DOCK5: variants seen among roughly 807,000 people sequenced by gnomAD.
DOCK5 encodes dedicator of cytokinesis 5.
DOCK5 carries 142 observed loss-of-function variants against 251.8 expected under a neutral mutation model. That is an observed-to-expected ratio of 0.56 (90% confidence interval 0.49 to 0.65). The LOEUF (loss-of-function observed/expected upper bound fraction) is 0.65. Ranked by LOEUF, DOCK5 falls within the 30% of genes least tolerant of loss-of-function variation. DOCK5 has a pLI of 0.00. For missense variants in DOCK5, 2,111 were observed against 2,312.3 expected, an observed-to-expected ratio of 0.91 and a Z score of 1.79; for synonymous variants, 842 against 835.5, an observed-to-expected ratio of 1.01 and a Z score of -0.13.
At chr8:25,388,062 T>A (rs1380920234) in intron 40 of DOCK5, among the ~76,000 whole-genome samples, 1 of 152,182 alleles carries the variant, frequency 6.6e-6, no homozygotes, top group Non-Finnish European at 1.5e-5. Context: ...TCCAGTAGTT[T>A]TTACTCCCTT....
At chr8:25,353,238 G>T (rs940868041) in intron 27 of DOCK5, among the ~76,000 whole-genome samples, 4 of 152,174 alleles carry the variant, frequency 2.6e-5, no homozygotes, top group South Asian at 4.1e-4. Flanking sequence ...TACTCTGGAG[G>T]CTGAGGCAGG....
chr8:25,338,016 G>T (rs1324347043), intron 22 of DOCK5, among the ~76,000 whole-genome samples: 1 of 152,002 alleles, frequency 6.6e-6, no homozygotes, highest in Non-Finnish European at 1.5e-5. Flanking sequence ...GTGTTTTTTT[G>T]TTGTTGTTTC....
chr8:25,384,879 G>T (rs1801136547), intron 40 of DOCK5, among the ~76,000 whole-genome samples: 2 of 152,294 alleles, frequency 1.3e-5, no homozygotes, highest in East Asian at 3.9e-4. Flanking sequence ...ATTGCAATGA[G>T]CCGAGATGGT....
intron 5 of DOCK5, among the ~76,000 whole-genome samples, chr8:25,289,822 A>G (rs950912440): frequency 1.3e-5 from 2 of 152,132 alleles, no homozygotes; most frequent in East Asian, 3.9e-4. Flanking sequence ...AGCCTGGGCA[A>G]CAAGAGCAAA....
At position 25,325,416 on chromosome 8, in the gene DOCK5, C is replaced by G; in HGVS notation, c.1772C>G (p.Thr591Ser). Residue 591 changes from threonine (T) to serine (S), a missense_variant, in exon 18 of 52, where the codon ACC becomes AGC. Physicochemically the swap from Thr to Ser is moderately conservative, Grantham distance 58. Around this residue, in one of 3 missense-constraint regions of DOCK5, gnomAD observed 1,717 missense variants for 1,892.4 expected, o/e 0.91. Coordinates refer to ENST00000276440, the MANE Select transcript of DOCK5 (RefSeq NM_024940.8). ...DAKFYLTLPG[T>S]KMEMEEKELQ... is the part of the protein sequence containing the mutation. ...AAATTCTACCTGACCCTGCCTGGAA[C>G]CAAGATGGAGATGGAAGAAAAAGAG... is the stretch of plus-strand genomic sequence containing the variant. The G allele has an allele frequency of 1.2e-6, 2 of 1,613,912 alleles. No homozygotes were observed. Among genetic ancestry groups the G allele is most frequent in the Non-Finnish European group, 1.7e-6 (2 of 1,179,858 alleles).
intron 1 of DOCK5, among the ~76,000 whole-genome samples, chr8:25,242,163 A>AT (rs1384197420): frequency 1.3e-5 from 2 of 152,026 alleles, no homozygotes; most frequent in Non-Finnish European, 2.9e-5. Context: ...TAAAAAAAAA[A>AT]CCTTAACTTA....
rs141793221 is a variant in DOCK5, at chr8:25,220,263, G to T, written c.44-23411G>T. 6.1e-4 allele frequency among the ~76,000 whole-genome samples: 92 copies of T among 151,912 alleles called. 1 individual carries two copies. The East Asian group carries it at 0.016, about 27-fold the overall frequency. ...TAGAGAATTTCCCCAGTGGTTTCCT[G>T]GTCCTTGGCCGCTTGTTCCTATATA... On this transcript the variant is annotated intron_variant, in intron 1 of 51. Transcript: ENST00000276440.
At chr8:25,380,165 A>G in intron 38 of DOCK5, 140 bp from the exon 39 acceptor site, 1 of 691,910 alleles carries the variant, frequency 1.4e-6, no homozygotes. Context: ...GATCTAAGGG[A>G]TAAAGCGAGT....
chr8:25,189,710 A>G lies in DOCK5; in HGVS notation c.43+4759A>G, dbSNP rs1403940302. 2.6e-5 allele frequency among the ~76,000 whole-genome samples: 4 copies of G among 152,082 alleles called. No individual in the cohort carries two copies. In the East Asian group the frequency reaches 5.8e-4, roughly 22 times the overall value. On this transcript the variant is annotated intron_variant, in intron 1 of 51. Coordinates refer to ENST00000276440, the MANE Select transcript of DOCK5 (RefSeq NM_024940.8). ...GTTGCATGTTGGGATTTGTGATCAC[A>G]TATATTTTTATGATGTAACAAAAGG...
chr8:25,243,674 C>T lies in DOCK5; in HGVS notation c.44C>T (p.Ala15Val), dbSNP rs771121025. Residue 15 changes from alanine (A) to valine (V), a missense_variant and splice_region_variant, in exon 2 of 52, where the codon GCG becomes GTG. Transcript: ENST00000276440. Reference sequence around the variant, plus strand: ...TCCCTTTTTTATTTCTCATTTCCAGCGATCTATAACTACAATGCTTCTCAA... The same window carrying T: ...TCCCTTTTTTATTTCTCATTTCCAGTGATCTATAACTACAATGCTTCTCAA... ...IPTKRQKYGVAIYNYNASQDV... is the reference protein window; with the variant it reads ...IPTKRQKYGVVIYNYNASQDV... The T allele has an allele frequency of 1.2e-5, 20 of 1,612,492 alleles. No individual in the cohort carries two copies. The highest frequency in any genetic ancestry group is 1.6e-4 in the Middle Eastern group (1 of 6,076).
At chr8:25,320,126 G>A (rs571643764) in intron 15 of DOCK5, among the ~76,000 whole-genome samples, 13 of 152,210 alleles carry the variant, frequency 8.5e-5, no homozygotes, top group East Asian at 3.9e-4. Flanking sequence ...GTGTTGTAAC[G>A]CCATCTTTCA....
At chr8:25,320,484 A>G (rs2117199608) in intron 15 of DOCK5, among the ~76,000 whole-genome samples, 1 of 152,314 alleles carries the variant, frequency 6.6e-6, no homozygotes, top group East Asian at 1.9e-4. Flanking sequence ...TAATCATGCC[A>G]TGATTTGACT....
intron 1 of DOCK5, among the ~76,000 whole-genome samples, chr8:25,199,376 T>C (rs1554515488): frequency 1.6e-5 from 2 of 121,526 alleles, no homozygotes; most frequent in Non-Finnish European, 3.3e-5. Context: ...ATTTCCGCTC[T>C]GTTCTTTTTT....
At chr8:25,341,373 T>G (rs767215737) in intron 23 of DOCK5, among the ~76,000 whole-genome samples, 4 of 152,174 alleles carry the variant, frequency 2.6e-5, no homozygotes, top group Non-Finnish European at 5.9e-5. Context: ...TTAAAAAATA[T>G]GAAATATATA....
chr8:25,291,169 T>C (rs1270121227), intron 5 of DOCK5, among the ~76,000 whole-genome samples: 1 of 152,094 alleles, frequency 6.6e-6, no homozygotes, highest in Non-Finnish European at 1.5e-5. Context: ...TGGAGGGCTT[T>C]AAACCCAGGA....
At chr8:25,368,453 C>T (rs1800817009) in intron 32 of DOCK5, 118 bp from the exon 33 acceptor site, 1 of 1,218,430 alleles carries the variant, frequency 8.2e-7, no homozygotes, top group East Asian at 2.5e-5. Context: ...CTGAGTCACT[C>T]ACTTCTGAAT....
chr8:25,312,170 A>T (rs1169907748), intron 13 of DOCK5, among the ~76,000 whole-genome samples: 2 of 152,134 alleles, frequency 1.3e-5, no homozygotes, highest in African/African-American at 2.4e-5. Context: ...CCTGATATAC[A>T]TTCATCAACA....
chr8:25,389,016 C>T (rs1246753264), intron 40 of DOCK5, 75 bp from the exon 41 acceptor site: 2 of 1,466,236 alleles, frequency 1.4e-6, no homozygotes, highest in Admixed American at 3.8e-5. Context: ...GCAGTGGCTA[C>T]CTCAGTACCC....
At chr8:25,318,400 G>A (rs1805319961) in intron 14 of DOCK5, among the ~76,000 whole-genome samples, 1 of 151,816 alleles carries the variant, frequency 6.6e-6, no homozygotes, top group Admixed American at 6.6e-5. Flanking sequence ...GCTTTGCTTT[G>A]CTTTACTTTA....
Sources: gnomAD v4.1 joint callset for allele counts (sites outside exome capture counted in the v4.1 genomes callset) on GRCh38, gnomAD v4.1.1 for gene constraint, gnomAD v4.1.1 regional missense constraint, MANE v1.5 for transcripts, NCBI Gene and HGNC (gene_info 2026-07-23, HGNC 2026-07-21) for gene names.